The following FTO variants were observed in gnomAD, a reference collection of about 807,000 sequenced individuals.
FTO encodes FTO alpha-ketoglutarate dependent dioxygenase.
Under a neutral mutation model 63.9 loss-of-function variants are expected in FTO, and 47 were observed. The observed-to-expected ratio is 0.74, with a 90% CI of 0.58 to 0.94. The LOEUF (loss-of-function observed/expected upper bound fraction) is 0.94. FTO is among the 40% of genes least tolerant of loss of function. The pLI is 0.00. For synonymous variants in FTO, 207 were observed against 224.4 expected (o/e 0.92, Z 0.69); for missense variants, 562 against 618.1 (o/e 0.91, Z 0.96).
At chr16:54,106,215 G>A (rs1002202870) in intron 8 of FTO, among the ~76,000 whole-genome samples, 9 of 151,962 alleles carry the variant, frequency 5.9e-5, no homozygotes, top group African/African-American at 1.9e-4. Flanking sequence ...GTGCAGCCCT[G>A]GGGGAAATCA....
chr16:54,063,865 G>A (rs2085653120), intron 8 of FTO: 1 of 151,958 alleles, frequency 6.6e-6, no homozygotes, highest in African/African-American at 2.4e-5. Flanking sequence ...CAGTGATCAG[G>A]ATCGCTATCG....
intron 4 of FTO, among the ~76,000 whole-genome samples, chr16:53,867,245 A>T (rs572652079): frequency 1.2e-4 from 19 of 152,184 alleles, no homozygotes; most frequent in South Asian, 6.2e-4. Flanking sequence ...AATATTTTTT[A>T]AAAAAATGTT....
chr16:53,953,131 T>G (rs1240883274), intron 8 of FTO, among the ~76,000 whole-genome samples: 1 of 152,162 alleles, frequency 6.6e-6, no homozygotes, highest in African/African-American at 2.4e-5. Context: ...ACAAAATGGG[T>G]TGAAAGAATG....
chr16:53,809,118 G>A (rs183825205), intron 1 of FTO, among the ~76,000 whole-genome samples: 50 of 152,284 alleles, frequency 3.3e-4, no homozygotes, highest in African/African-American at 1.1e-3. Context: ...TATAATATGA[G>A]ATCGTCTTTC....
At chr16:53,957,647 C>T (rs1003169994) in intron 8 of FTO, among the ~76,000 whole-genome samples, 13 of 152,192 alleles carry the variant, frequency 8.5e-5, no homozygotes, top group Middle Eastern at 3.2e-3. Flanking sequence ...ATTTACTTGA[C>T]GTTGTTCTCA....
chr16:53,900,890 A>G (rs2081389206), intron 7 of FTO, among the ~76,000 whole-genome samples: 2 of 152,148 alleles, frequency 1.3e-5, no homozygotes, highest in Admixed American at 6.5e-5. Flanking sequence ...GGTTTGTGTG[A>G]GTCCAGCAGC....
In FTO at chr16:53,830,792, A is replaced by G. The variant is rs182409152; in HGVS notation, c.751+4301A>G. Reference sequence around the variant, plus strand: ...GCACCTGTAGTCCCAGCTACTCGGGAGGCTGAGGCAGTAGAATTGCTTGAA... The same window carrying G: ...GCACCTGTAGTCCCAGCTACTCGGGGGGCTGAGGCAGTAGAATTGCTTGAA... On this transcript the variant is annotated intron_variant, in intron 3 of 8. Transcript: ENST00000471389. 6.5e-3 allele frequency among the ~76,000 whole-genome samples: 988 copies of G among 152,252 alleles called. 9 individuals carry two copies. The highest frequency in any genetic ancestry group is 0.023 in the African/African-American group (949 of 41,554).
intron 8 of FTO, among the ~76,000 whole-genome samples, chr16:53,983,608 A>C (rs2083597407): frequency 1.3e-5 from 2 of 151,398 alleles, no homozygotes; most frequent in Non-Finnish European, 2.9e-5. Context: ...ATTCACAAAC[A>C]CACACACACA....
intron 1 of FTO, among the ~76,000 whole-genome samples, chr16:53,741,456 A>T (rs16952491): frequency 6.6e-6 from 1 of 152,132 alleles, no homozygotes; most frequent in Non-Finnish European, 1.5e-5. Flanking sequence ...TTGCTCTTTT[A>T]TTTGTATTGT....
At chr16:53,825,836 G>A (rs746740858) in intron 2 of FTO, 28 bp from the exon 3 acceptor site, 84 of 1,609,240 alleles carry the variant, frequency 5.2e-5, no homozygotes, top group Non-Finnish European at 6.7e-5. Context: ...ATATATCAAC[G>A]TCTGTTTTTG....
chr16:54,018,271 A>G (rs1333421596), intron 8 of FTO, among the ~76,000 whole-genome samples: 1 of 152,136 alleles, frequency 6.6e-6, no homozygotes, highest in Non-Finnish European at 1.5e-5. Context: ...ACTCTCTCCA[A>G]AAGGATGGTA....
chr16:54,094,134 A>G (rs1268098206), intron 8 of FTO, among the ~76,000 whole-genome samples: 1 of 152,188 alleles, frequency 6.6e-6, no homozygotes, highest in East Asian at 1.9e-4. Context: ...ACCAGAGACT[A>G]CAAGACAGTA....
intron 8 of FTO, among the ~76,000 whole-genome samples, chr16:54,076,037 A>T (rs2085985095): frequency 6.6e-6 from 1 of 152,146 alleles, no homozygotes; most frequent in Non-Finnish European, 1.5e-5. Context: ...TGGGACGGTT[A>T]ATGACAATCC....
chr16:53,771,072 T>C (rs985257461), intron 1 of FTO, among the ~76,000 whole-genome samples: 1 of 152,144 alleles, frequency 6.6e-6, no homozygotes, highest in Non-Finnish European at 1.5e-5. Context: ...GTTGGGGCTA[T>C]GATAGAGACT....
intron 1 of FTO, among the ~76,000 whole-genome samples, chr16:53,802,302 A>G (rs1210837079): frequency 6.6e-6 from 1 of 152,156 alleles, no homozygotes; most frequent in Non-Finnish European, 1.5e-5. Context: ...AATAGTTGTT[A>G]TATTTCATTG....
At chr16:54,032,554 A>G (rs976938362) in intron 8 of FTO, among the ~76,000 whole-genome samples, 1 of 152,214 alleles carries the variant, frequency 6.6e-6, no homozygotes, top group African/African-American at 2.4e-5. Flanking sequence ...CAAAGTACAC[A>G]TCCAGTAATT....
chr16:53,846,942 G>T (rs1252216762), intron 4 of FTO, among the ~76,000 whole-genome samples: 1 of 151,750 alleles, frequency 6.6e-6, no homozygotes, highest in South Asian at 2.1e-4. Flanking sequence ...CTGGAAAAAA[G>T]AGTCTGAAAT....
At chr16:53,908,483 G>A (rs540678276) in intron 7 of FTO, among the ~76,000 whole-genome samples, 6 of 152,272 alleles carry the variant, frequency 3.9e-5, no homozygotes, top group African/African-American at 1.4e-4. Context: ...TCGGCACATC[G>A]TTCCTTCTTT....
Position 54,111,744 on chromosome 16 carries a change from C to G in FTO, c.1365-18C>G. On this transcript the variant is annotated intron_variant, in intron 8 of 8. Transcript: ENST00000471389. ...GGGTTTCCTCCCGTGGATTAATTTC[C>G]TATTTTTACTCTTCCAGGTGCCAGT... The G allele has an allele frequency of 3.7e-6, 6 of 1,614,116 alleles. No homozygotes were observed. The highest frequency in any genetic ancestry group is 5.1e-6 in the Non-Finnish European group (6 of 1,179,986).
Sources: gnomAD v4.1 joint callset for allele counts (sites outside exome capture counted in the v4.1 genomes callset) on GRCh38, gnomAD v4.1.1 for gene constraint, MANE v1.5 for transcripts, NCBI Gene and HGNC (gene_info 2026-07-23, HGNC 2026-07-21) for gene names.